Variants in CHD9 observed in about 807,000 individuals in gnomAD.
CHD9 encodes chromodomain helicase DNA binding protein 9, also known as ATP-dependent chromatin remodeler CHD9.
CHD9 carries 77 observed loss-of-function variants against 316.1 expected under a neutral mutation model. The ratio of observed to expected loss-of-function variants is 0.24; its 90% confidence interval spans 0.20 to 0.29. The LOEUF (loss-of-function observed/expected upper bound fraction) is 0.29, where lower values mean the gene tolerates loss of function less well. Ranked by LOEUF, CHD9 falls within the 10% of genes least tolerant of loss-of-function variation. The probability of loss-of-function intolerance (pLI) is 1.00; values close to 1 mark genes in which losing one functional copy is unlikely to be tolerated. For missense variants in CHD9, 2,763 were observed against 3,438.1 expected (o/e 0.80, Z 4.91); for synonymous variants, 1,129 against 1,158.3 (o/e 0.97, Z 0.51).
At chr16:53,136,820 T>A (rs2039750051) in intron 1 of CHD9, among the ~76,000 whole-genome samples, 1 of 152,170 alleles carries the variant, frequency 6.6e-6, no homozygotes, top group Admixed American at 6.5e-5. Context: ...TTCTAGTTAT[T>A]CCCTTTCTGT....
At chr16:53,083,843 T>A (rs1452401576) in intron 1 of CHD9, among the ~76,000 whole-genome samples, 1 of 152,018 alleles carries the variant, frequency 6.6e-6, no homozygotes, top group Non-Finnish European at 1.5e-5. Context: ...CTTGAACTCA[T>A]GGCCTCAAGC....
intron 1 of CHD9, among the ~76,000 whole-genome samples, chr16:53,106,437 T>A (rs2152581150): frequency 6.6e-6 from 1 of 152,280 alleles, no homozygotes. Context: ...CAACAAAAAA[T>A]GACTAATGGA....
chr16:53,307,294 G>A (rs539488409), intron 32 of CHD9, among the ~76,000 whole-genome samples: 38 of 151,994 alleles, frequency 2.5e-4, no homozygotes, highest in East Asian at 1.5e-3. Context: ...TGTGAGACAC[G>A]GTCTTACTCT....
At chr16:53,286,130 C>T (rs2053852255) in intron 25 of CHD9, 96 bp from the exon 26 acceptor site, 1 of 614,938 alleles carries the variant, frequency 1.6e-6, no homozygotes. Flanking sequence ...CCCTTTAGTC[C>T]AGAAATATCA....
At chr16:53,266,129 A>G (rs1033637834) in intron 20 of CHD9, among the ~76,000 whole-genome samples, 4 of 152,086 alleles carry the variant, frequency 2.6e-5, no homozygotes, top group Non-Finnish European at 4.4e-5. Context: ...TACAAGATCC[A>G]TCAGTGAATT....
intron 22 of CHD9, among the ~76,000 whole-genome samples, chr16:53,273,217 A>C (rs910623150): frequency 1.2e-4 from 19 of 152,236 alleles, no homozygotes; most frequent in Admixed American, 6.5e-5. Context: ...AAATGAGTTT[A>C]GCTATCTTGA....
intron 4 of CHD9, among the ~76,000 whole-genome samples, chr16:53,223,216 C>T (rs965973953): frequency 8.0e-5 from 12 of 149,674 alleles, no homozygotes; most frequent in African/African-American, 2.0e-4. Context: ...TTAAAAATCC[C>T]GTAACATAGA....
intron 2 of CHD9, among the ~76,000 whole-genome samples, chr16:53,195,318 A>T (rs891849598): frequency 6.6e-6 from 1 of 152,222 alleles, no homozygotes; most frequent in African/African-American, 2.4e-5. Context: ...TATGTTGGAC[A>T]TATACCCAAG....
chr16:53,139,892 G>A (rs546266875), intron 1 of CHD9, among the ~76,000 whole-genome samples: 1 of 151,926 alleles, frequency 6.6e-6, no homozygotes, highest in South Asian at 2.1e-4. Flanking sequence ...GAGCCCAGGG[G>A]TTCCACACCA....
Position 53,254,368 on chromosome 16 carries a change from C to T in CHD9, c.3862-70C>T, listed in dbSNP as rs1597663596. 9.2e-6 allele frequency: 10 copies of T among 1,092,022 alleles called. No homozygotes were observed. The East Asian group carries it at 2.5e-4, about 27-fold the overall frequency. The allele number at this position is 1,092,022 out of a possible 1,614,324, so 67.6% of individuals were successfully genotyped here. ...AAGAATTCTTGTATGTGTTTATATGCCATACATATAGTTTACTATTAAATG... is the reference window on the plus strand; with the variant it reads ...AAGAATTCTTGTATGTGTTTATATGTCATACATATAGTTTACTATTAAATG... On this transcript the variant is annotated intron_variant, in intron 17 of 38. Transcript: ENST00000447540.
chr16:53,141,458 G>A (rs1046560402), intron 1 of CHD9, among the ~76,000 whole-genome samples: 4 of 152,168 alleles, frequency 2.6e-5, no homozygotes, highest in African/African-American at 9.7e-5. Flanking sequence ...AATATCTGTA[G>A]CAAAGTTAAT....
intron 26 of CHD9, among the ~76,000 whole-genome samples, chr16:53,286,725 A>G (rs1054573517): frequency 2.0e-5 from 3 of 152,026 alleles, no homozygotes; most frequent in African/African-American, 4.8e-5. Flanking sequence ...TTTGGTATTC[A>G]GGACACCCTG....
At chr16:53,185,282 G>A (rs1742463082) in intron 2 of CHD9, among the ~76,000 whole-genome samples, 1 of 152,168 alleles carries the variant, frequency 6.6e-6, no homozygotes, top group East Asian at 1.9e-4. Flanking sequence ...TTAATTCCAG[G>A]CCAAAGTGGT....
Position 53,156,306 on chromosome 16 carries a change from C to A in CHD9, c.217C>A (p.Gln73Lys), listed in dbSNP as rs2041516420. The A allele has an allele frequency of 2.5e-6, 4 of 1,613,926 alleles. No individual in the cohort carries two copies. Among genetic ancestry groups the A allele is most frequent in the Non-Finnish European group, 3.4e-6 (4 of 1,179,850 alleles). ...QKMTDFEQLNQFDSIKFHHVN... is the reference protein window; with the variant it reads ...QKMTDFEQLNKFDSIKFHHVN... The stretch of plus-strand genomic sequence containing the variant: ...GATGACTGATTTTGAACAGTTAAAT[C>A]AATTTGATTCAATAAAATTTCACCA... Residue 73 changes from glutamine to lysine, a missense_variant, in exon 2 of 39, where the codon CAA becomes AAA. By Grantham distance (53) the Gln-to-Lys change is moderately conservative. This residue lies in a region of CHD9 where 859 missense variants were observed against 890.4 expected (regional missense o/e 0.96). Coordinates refer to ENST00000447540, the MANE Select transcript of CHD9 (RefSeq NM_001308319.2).
Position 53,245,791 on chromosome 16 carries a change from A to G in CHD9, c.3395A>G (p.Asn1132Ser). 1 of 1,596,284 alleles carries G rather than the reference A, an allele frequency of 6.3e-7. No homozygotes were observed. Among genetic ancestry groups the G allele is most frequent in the Non-Finnish European group, 8.5e-7 (1 of 1,173,158 alleles). ...GGAGCAGGACAAACTAATGTACCTA[A>G]CTTGGTCAATACCATGATGGAGCTC... The part of the protein sequence containing the change: ...SKGAGQTNVP[N>S]LVNTMMELRK... The change falls in exon 15 of 39, where the codon AAC becomes AGC. Residue 1132 changes from asparagine to serine, a missense_variant. Asn to Ser is a conservative substitution (Grantham distance 46). Around this residue, in one of 15 missense-constraint regions of CHD9, gnomAD observed 155 missense variants for 291.8 expected, o/e 0.53. Transcript: ENST00000447540. This position sits in a 1 kb window ranked among gnomAD's most constrained non-coding sequence, Gnocchi z 4.1.
chr16:53,079,365 A>C (rs1170725564), intron 1 of CHD9, among the ~76,000 whole-genome samples: 3 of 152,214 alleles, frequency 2.0e-5, no homozygotes, highest in Non-Finnish European at 4.4e-5. Flanking sequence ...TGAACCAATG[A>C]CTTAGCATAA....
chr16:53,159,294 T>C (rs1366312312), intron 2 of CHD9, among the ~76,000 whole-genome samples: 1 of 152,124 alleles, frequency 6.6e-6, no homozygotes, highest in Non-Finnish European at 1.5e-5. Context: ...AGAAAATTTG[T>C]ATATGAAAAA....
chr16:53,211,530 T>G (rs1286101092), intron 3 of CHD9, among the ~76,000 whole-genome samples: 1 of 152,206 alleles, frequency 6.6e-6, no homozygotes, highest in Non-Finnish European at 1.5e-5. Context: ...AGAAATTTTT[T>G]TTTGTTTTGG....
intron 1 of CHD9, among the ~76,000 whole-genome samples, chr16:53,115,294 C>T (rs2038206570): frequency 6.6e-6 from 1 of 152,208 alleles, no homozygotes. Context: ...AGTTCTGTGT[C>T]ACTCAGAGCA....
Sources: allele counts gnomAD v4.1 joint callset (sites outside exome capture counted in the v4.1 genomes callset), GRCh38; gene constraint gnomAD v4.1.1; regional missense constraint gnomAD v4.1.1; non-coding constraint Gnocchi (gnomAD v3.1); transcripts MANE v1.5; gene names NCBI Gene and HGNC (gene_info 2026-07-23, HGNC 2026-07-21).